SGIP1: variants seen among roughly 807,000 people sequenced by gnomAD.
SGIP1 encodes SH3GL interacting endocytic adaptor 1.
SGIP1 carries 38 observed loss-of-function variants against 107.5 expected under a neutral mutation model. The observed-to-expected ratio is 0.35, with a 90% confidence interval of 0.27 to 0.46. The LOEUF (loss-of-function observed/expected upper bound fraction) is 0.46. Among genes scored for constraint, SGIP1 ranks in the 20% least tolerant of loss-of-function variants. The pLI, the probability that SGIP1 is intolerant of heterozygous loss-of-function variation, is 1.00. For missense variants in SGIP1, 929 were observed against 1,019.5 expected, an observed-to-expected ratio of 0.91 and a Z score of 1.21; for synonymous variants, 365 against 366.1, an observed-to-expected ratio of 1.00 and a Z score of 0.03.
At chr1:66,701,047 T>G (rs1221585164) in intron 18 of SGIP1, among the ~76,000 whole-genome samples, 3 of 152,222 alleles carry the variant, frequency 2.0e-5, no homozygotes, top group African/African-American at 7.2e-5. Context: ...TCTGACCTTC[T>G]TAAGCAGGTT....
At chr1:66,700,390 CAG>C (rs2091721328) in intron 18 of SGIP1, among the ~76,000 whole-genome samples, 1 of 116,622 alleles carries the variant, frequency 8.6e-6, no homozygotes, top group Admixed American at 8.8e-5. Flanking sequence ...AAAAAAAAAA[CAG>C]AGTAATGATT....
intron 1 of SGIP1, among the ~76,000 whole-genome samples, chr1:66,539,852 T>C (rs2054491900): frequency 6.6e-6 from 1 of 151,982 alleles, no homozygotes; most frequent in Non-Finnish European, 1.5e-5. Context: ...CTCAGCCCGC[T>C]CTCTCTCCTC....
At chr1:66,578,820 C>T (rs1444056148) in intron 1 of SGIP1, among the ~76,000 whole-genome samples, 2 of 152,220 alleles carry the variant, frequency 1.3e-5, no homozygotes, top group Non-Finnish European at 1.5e-5. Context: ...TATAGGCATG[C>T]GCCAGCACAC....
chr1:66,626,657 G>A (rs1319147197), intron 2 of SGIP1, among the ~76,000 whole-genome samples: 1 of 152,158 alleles, frequency 6.6e-6, no homozygotes, highest in Non-Finnish European at 1.5e-5. Context: ...CAGCCAAGCA[G>A]GTAACTTATA....
chr1:66,543,172 A>G (rs557305697), intron 1 of SGIP1, among the ~76,000 whole-genome samples: 6 of 152,298 alleles, frequency 3.9e-5, no homozygotes, highest in Non-Finnish European at 8.8e-5. Context: ...TTTTCTGAGG[A>G]AGAGCGTCAT....
At chr1:66,549,164 TTCC>T (rs2056995864) in intron 1 of SGIP1, among the ~76,000 whole-genome samples, 1 of 151,076 alleles carries the variant, frequency 6.6e-6, no homozygotes, top group Admixed American at 6.6e-5. Flanking sequence ...CCTTCCTTCC[TTCC>T]TTCCTTCCTT....
chr1:66,750,876 C>T lies in SGIP1; in HGVS notation c.*7781C>T, dbSNP rs1238772105. 6.6e-6 allele frequency among the ~76,000 whole-genome samples: 1 copy of T among 152,216 alleles called. No individual in the cohort carries two copies. The highest frequency in any genetic ancestry group is 1.5e-5 in the Non-Finnish European group (1 of 68,040). ...GAAGATAATCATGAGACCATCTTAACATTACTTGCCTTATAAGTTAGAAAT... is the reference window on the plus strand; with the variant it reads ...GAAGATAATCATGAGACCATCTTAATATTACTTGCCTTATAAGTTAGAAAT... On this transcript the variant is annotated 3_prime_UTR_variant, in exon 25 of 25. Transcript: ENST00000371037.
intron 18 of SGIP1, among the ~76,000 whole-genome samples, chr1:66,710,677 G>T (rs1219706328): frequency 6.6e-6 from 1 of 152,144 alleles, no homozygotes; most frequent in African/African-American, 2.4e-5. Flanking sequence ...GATATACCAT[G>T]CAAATACAGT....
At chr1:66,679,378 T>C (rs2149958364) in intron 13 of SGIP1, among the ~76,000 whole-genome samples, 1 of 152,250 alleles carries the variant, frequency 6.6e-6, no homozygotes, top group East Asian at 1.9e-4. Context: ...GTACAGGAGG[T>C]AGGACGTAGT....
chr1:66,645,116 A>G (rs2077437765), intron 7 of SGIP1, among the ~76,000 whole-genome samples: 1 of 152,128 alleles, frequency 6.6e-6, no homozygotes, highest in African/African-American at 2.4e-5. Context: ...TATTTTATTC[A>G]CTTCTCTGAG....
chr1:66,750,037 GTGTGTGT>G lies in SGIP1; in HGVS notation c.*6943_*6949del, dbSNP rs749413461. Reference sequence around the variant, plus strand: ...TCTCTTTCTCTGTGTGTGTGTGGGGGTGTGTGTGTGTGTGTGTGTGTGTGTGTGTGTC... The same window carrying G: ...TCTCTTTCTCTGTGTGTGTGTGGGGGGTGTGTGTGTGTGTGTGTGTGTGTC... On this transcript the variant is annotated 3_prime_UTR_variant, in exon 25 of 25. Transcript: ENST00000371037. Among the ~76,000 whole-genome samples, 24,186 of 80,240 alleles carry G rather than the reference GTGTGTGT, an allele frequency of 0.3. 2,061 individuals carry two copies. Among genetic ancestry groups the G allele is most frequent in the Middle Eastern group, 0.44 (52 of 118 alleles). 52.6% of individuals were successfully genotyped at this position (80,240 alleles called of 152,430 possible).
intron 11 of SGIP1, among the ~76,000 whole-genome samples, 187 bp downstream of exon 11, chr1:66,672,182 C>A (rs1370358753): frequency 6.6e-6 from 1 of 152,130 alleles, no homozygotes; most frequent in African/African-American, 2.4e-5. Flanking sequence ...CCAAGGGAGA[C>A]CTTTAGGGAA....
rs1315347784 is a variant in SGIP1 at position 66,690,261 on chromosome 1, C to T, written c.1515C>T (p.Ser505=). ...TAGCACCCTTAGCGCGGGCTGAAAG[C>T]ACTTCTTCAATATCGTCAACCAATT... ...PPIAPLARAE[S]TSSISSTNSL... is the part of the protein sequence containing the mutation. Residue 505 remains serine (S), a synonymous_variant, in exon 17 of 25, where the codon AGC becomes AGT. Coordinates refer to ENST00000371037, the MANE Select transcript of SGIP1 (RefSeq NM_032291.4). The T allele has an allele frequency of 3.1e-6, 5 of 1,614,206 alleles. No individual in the cohort carries two copies. The East Asian group carries it at 1.1e-4, about 36-fold the overall frequency.
rs966270673 is a variant in SGIP1, at chr1:66,534,264, G to A, written c.-95G>A. The stretch of plus-strand genomic sequence containing the variant: ...TTGACAGCGGACGGAATAGACCTCA[G>A]CAGCGGCGTGGTGAGGACTTAGCTG... On this transcript the variant is annotated 5_prime_UTR_variant, in exon 1 of 25. Transcript: ENST00000371037. 2.3e-6 allele frequency: 3 copies of A among 1,312,454 alleles called. No individual in the cohort carries two copies. The highest frequency in any genetic ancestry group is 3.3e-6 in the Non-Finnish European group (3 of 905,852). 81.3% of individuals were successfully genotyped at this position (1,312,454 alleles called of 1,614,324 possible). A position where few individuals can be genotyped will look rare whatever the true frequency, so the allele number is the denominator to read the frequency against.
chr1:66,583,891 G>A (rs974601302), intron 1 of SGIP1, among the ~76,000 whole-genome samples: 7 of 152,084 alleles, frequency 4.6e-5, no homozygotes, highest in Admixed American at 3.3e-4. Context: ...TTTAGCTTTG[G>A]TTCATAAAGG....
At chr1:66,583,778 T>C (rs2062155908) in intron 1 of SGIP1, among the ~76,000 whole-genome samples, 2 of 152,168 alleles carry the variant, frequency 1.3e-5, no homozygotes, top group South Asian at 4.1e-4. Flanking sequence ...CATCACTGAT[T>C]ATCAGCCCCA....
intron 8 of SGIP1, among the ~76,000 whole-genome samples, chr1:66,663,660 T>G (rs2081972385): frequency 6.6e-6 from 1 of 152,222 alleles, no homozygotes; most frequent in East Asian, 1.9e-4. Flanking sequence ...TTTTGGGTTC[T>G]GTTTAATCAG....
intron 1 of SGIP1, among the ~76,000 whole-genome samples, chr1:66,543,291 C>T (rs2055470764): frequency 6.6e-6 from 1 of 151,920 alleles, no homozygotes; most frequent in African/African-American, 2.4e-5. Context: ...CTTTTTTTTC[C>T]CTGAGGAGGA....
chr1:66,659,097 T>C (rs1401053779), intron 7 of SGIP1, among the ~76,000 whole-genome samples: 1 of 152,174 alleles, frequency 6.6e-6, no homozygotes, highest in African/African-American at 2.4e-5. Context: ...TTAAATTCCA[T>C]AGAATGGAGT....
Sources: allele counts gnomAD v4.1 joint callset (sites outside exome capture counted in the v4.1 genomes callset), GRCh38; gene constraint gnomAD v4.1.1; transcripts MANE v1.5; gene names NCBI Gene and HGNC (gene_info 2026-07-23, HGNC 2026-07-21).